Variants in PAK3 observed in about 807,000 individuals in gnomAD.
The protein encoded by PAK3 is p21 (RAC1) activated kinase 3, also known as serine/threonine-protein kinase PAK 3.
PAK3 carries 4 observed loss-of-function variants against 41.0 expected under a neutral mutation model. That is an observed-to-expected ratio of 0.10 (90% CI 0.05 to 0.22). The LOEUF is 0.22. Among genes scored for constraint, PAK3 ranks in the 10% least tolerant of loss-of-function variants. The probability of loss-of-function intolerance (pLI) is 1.00; values close to 1 mark genes in which losing one functional copy is unlikely to be tolerated. For missense variants in PAK3, 205 were observed against 409.9 expected, an observed-to-expected ratio of 0.50 and a Z score of 4.32; for synonymous variants, 146 against 139.6, an observed-to-expected ratio of 1.05 and a Z score of -0.32.
chrX:110,989,544 T>G (rs1319493556), intron 1 of PAK3, among the ~76,000 whole-genome samples: 1 of 112,097 alleles, frequency 8.9e-6, no homozygotes, highest in East Asian at 2.8e-4. Flanking sequence ...TAAATACTAT[T>G]TGCACCAAAG....
upstream of PAK3, among the ~76,000 whole-genome samples, chrX:111,091,365 G>T (rs990654022): frequency 9.0e-6 from 1 of 111,661 alleles, no homozygotes; most frequent in Admixed American, 9.5e-5. Context: ...TCAGAAATCT[G>T]TTAAATCTGC....
At chrX:110,997,557 T>A (rs2091761954) in intron 1 of PAK3, among the ~76,000 whole-genome samples, 1 of 111,867 alleles carries the variant, frequency 8.9e-6, no homozygotes, top group Admixed American at 9.5e-5. Flanking sequence ...AAGTACCCAG[T>A]CAAGGATGAT....
In PAK3 at chrX:111,221,350, G is replaced by A. The variant is rs2094927155; in HGVS notation, c.*903G>A. 1 of 111,948 alleles carries A rather than the reference G, an allele frequency of 8.9e-6. No individual in the cohort carries two copies. The highest frequency in any genetic ancestry group is 9.5e-5 in the Admixed American group (1 of 10,557). 9.2% of individuals were successfully genotyped at this position (111,948 alleles called of 1,213,427 possible). On this transcript the variant is annotated 3_prime_UTR_variant, in exon 18 of 18. Transcript: ENST00000372007. ...TGTGACATCCTGCTAGGTGAGTTCA[G>A]GTTCTGAACCTAGGAAATCCTCATA...
At chrX:111,139,777 G>A (rs2149082363) in intron 5 of PAK3, among the ~76,000 whole-genome samples, 1 of 112,144 alleles carries the variant, frequency 8.9e-6, no homozygotes, top group Non-Finnish European at 1.9e-5. Context: ...AGAAAAGTTG[G>A]GAGAGTTTAT....
intron 1 of PAK3, among the ~76,000 whole-genome samples, chrX:111,070,515 G>A (rs918182672): frequency 4.5e-5 from 5 of 111,687 alleles, no homozygotes; most frequent in Non-Finnish European, 7.5e-5. Context: ...GATGAAGTGG[G>A]GCAGGGCGAG....
At chrX:110,969,260 A>G (rs2091151128) in intron 1 of PAK3, among the ~76,000 whole-genome samples, 1 of 102,971 alleles carries the variant, frequency 9.7e-6, no homozygotes, top group African/African-American at 3.5e-5. Context: ...TTGCTACAGC[A>G]TTACTTGTCA....
intron 1 of PAK3, among the ~76,000 whole-genome samples, chrX:110,991,765 GA>G (rs1391803337): frequency 9.0e-6 from 1 of 111,283 alleles, no homozygotes; most frequent in Non-Finnish European, 1.9e-5. Flanking sequence ...CTTTTGTTGA[GA>G]AAATCAAGAC....
At chrX:111,077,277 A>G (rs897293433) in intron 1 of PAK3, among the ~76,000 whole-genome samples, 1 of 111,633 alleles carries the variant, frequency 9.0e-6, no homozygotes, top group African/African-American at 3.3e-5. Flanking sequence ...CAAAATTCCA[A>G]TGATATTTTT....
intron 11 of PAK3, among the ~76,000 whole-genome samples, chrX:111,180,001 AC>A (rs2094448166): frequency 9.0e-6 from 1 of 110,518 alleles, no homozygotes; most frequent in Admixed American, 9.7e-5. Flanking sequence ...CAAGTGATCC[AC>A]CCACCTCAGC....
At chrX:111,205,895 T>G (rs2094741349) in intron 16 of PAK3, among the ~76,000 whole-genome samples, 1 of 111,906 alleles carries the variant, frequency 8.9e-6, no homozygotes. Flanking sequence ...TAGTCCCTTC[T>G]TGCACTAATA....
chrX:111,031,609 A>G (rs991027073), intron 1 of PAK3, among the ~76,000 whole-genome samples: 4 of 111,304 alleles, frequency 3.6e-5, no homozygotes, highest in Non-Finnish European at 7.5e-5. Flanking sequence ...CTCCAATACA[A>G]TTAATGTCTT....
intron 11 of PAK3, among the ~76,000 whole-genome samples, chrX:111,178,980 T>TATAGAGAGAGAGAGAGAGAG (rs1211051270): frequency 9.8e-5 from 9 of 91,612 alleles, no homozygotes; most frequent in African/African-American, 3.6e-4. Flanking sequence ...TATATATATA[T>TATAGAGAGAGAGAGAGAGAG]AGAGAGAGAG....
chrX:111,089,593 G>A (rs2148854393), intron 1 of PAK3, among the ~76,000 whole-genome samples: 1 of 111,173 alleles, frequency 9.0e-6, no homozygotes, highest in Admixed American at 9.6e-5. Context: ...TCATTGGGTA[G>A]GGAAAGGAGG....
chrX:111,185,158 C>CT (rs951477896), intron 11 of PAK3, among the ~76,000 whole-genome samples: 1 of 112,119 alleles, frequency 8.9e-6, no homozygotes, highest in African/African-American at 3.2e-5. Context: ...TGATGATGAG[C>CT]TTTTTTTAGT....
intron 1 of PAK3, among the ~76,000 whole-genome samples, chrX:111,012,914 G>A (rs890336793): frequency 8.1e-5 from 9 of 111,488 alleles, no homozygotes; most frequent in African/African-American, 2.6e-4. Context: ...CTACTGAGTA[G>A]CTGAAATCAC....
At chrX:111,064,667 G>A (rs1407504323) in intron 1 of PAK3, among the ~76,000 whole-genome samples, 2 of 112,423 alleles carry the variant, frequency 1.8e-5, no homozygotes, top group Admixed American at 9.4e-5. Context: ...TGGTGTATAT[G>A]TATCACATTT....
chrX:111,045,664 A>T (rs992273159), intron 1 of PAK3, among the ~76,000 whole-genome samples: 1 of 112,072 alleles, frequency 8.9e-6, no homozygotes, highest in African/African-American at 3.2e-5. Context: ...TCTTGCCAAC[A>T]GTCATGCCTA....
At chrX:111,110,018 A>G (rs959424136) in intron 4 of PAK3, among the ~76,000 whole-genome samples, 1 of 112,380 alleles carries the variant, frequency 8.9e-6, no homozygotes, top group South Asian at 3.7e-4. Context: ...GCTTCTTCAT[A>G]TGTGGAATGA....
intron 8 of PAK3, among the ~76,000 whole-genome samples, chrX:111,155,500 C>CAA (rs369169590): frequency 3.0e-4 from 16 of 54,190 alleles, no homozygotes; most frequent in African/African-American, 9.1e-4. Context: ...AACCCTGTCT[C>CAA]AAAAAAAAAA....
Sources: gnomAD v4.1 joint callset for allele counts (sites outside exome capture counted in the v4.1 genomes callset) on GRCh38, gnomAD v4.1.1 for gene constraint, MANE v1.5 for transcripts, NCBI Gene and HGNC (gene_info 2026-07-23, HGNC 2026-07-21) for gene names.